The following RSF1 variants were observed in gnomAD, a reference collection of about 807,000 sequenced individuals.
RSF1 encodes the protein HBV pX-associated protein 8.
RSF1 carries 13 observed loss-of-function variants against 145.2 expected under a neutral mutation model. The ratio of observed to expected loss-of-function variants is 0.09; its 90% CI spans 0.06 to 0.14. The LOEUF (loss-of-function observed/expected upper bound fraction) is 0.14. RSF1 is among the 10% of genes least tolerant of loss of function. The probability of loss-of-function intolerance (pLI) is 1.00; values close to 1 mark genes in which losing one functional copy is unlikely to be tolerated. For synonymous variants in RSF1, 577 were observed against 592.6 expected, an observed-to-expected ratio of 0.97 and a Z score of 0.38; for missense variants, 1,517 against 1,718.2, an observed-to-expected ratio of 0.88 and a Z score of 2.07.
intron 6 of RSF1, among the ~76,000 whole-genome samples, 162 bp downstream of exon 6, chr11:77,700,554 CAAGAG>C: frequency 6.6e-6 from 1 of 151,892 alleles, no homozygotes; most frequent in Non-Finnish European, 1.5e-5. Context: ...TAAAAGATGA[CAAGAG>C]TATAGAGTAT....
chr11:77,668,069 C>T lies in RSF1; in HGVS notation c.3752-578G>A, dbSNP rs537598068. ...CTGGAGTATCATGGCGCAAACTAGGCTCACTGCAACCTCTGCCTTCCAGAT... is the reference window on the plus strand; with the variant it reads ...CTGGAGTATCATGGCGCAAACTAGGTTCACTGCAACCTCTGCCTTCCAGAT... On this transcript the variant is annotated intron_variant, in intron 15 of 15. Coordinates refer to ENST00000308488, the MANE Select transcript of RSF1 (RefSeq NM_016578.4). Among the ~76,000 whole-genome samples the T allele has an allele frequency of 7.9e-5, 12 of 152,110 alleles. No individual in the cohort carries two copies. In the East Asian group the frequency reaches 1.7e-3, roughly 22 times the overall value.
At chr11:77,711,232 T>C (rs1026196343) in intron 5 of RSF1, among the ~76,000 whole-genome samples, 3 of 152,100 alleles carry the variant, frequency 2.0e-5, no homozygotes, top group Admixed American at 1.3e-4. Flanking sequence ...TTATTTGCAT[T>C]TCCCACACTG....
In RSF1 at chr11:77,700,985, A is replaced by C. The variant is rs1281328879; in HGVS notation, c.2244T>G (p.Ser748=). The part of the protein sequence containing the change: ...RISSRKKKPD[S]PPKVLEPENK... ...TTTCTGGTTCTAGAACTTTGGGGGG[A>C]GAATCGGGCTTCTTTTTCCGACTTG... Residue 748 remains serine, a synonymous_variant, in exon 6 of 16, where the codon TCT becomes TCG. Coordinates refer to ENST00000308488, the MANE Select transcript of RSF1 (RefSeq NM_016578.4). The C allele has an allele frequency of 3.1e-6, 5 of 1,612,952 alleles. No individual in the cohort carries two copies. The highest frequency in any genetic ancestry group is 4.2e-6 in the Non-Finnish European group (5 of 1,179,884).
the RSF1 span, among the ~76,000 whole-genome samples, chr11:77,870,437 T>C: frequency 6.7e-6 from 1 of 148,310 alleles, no homozygotes; most frequent in Admixed American, 6.8e-5. Context: ...CCCGGGTTCA[T>C]GCCATTCTCC....
chr11:77,677,808 T>A (rs374824305), intron 12 of RSF1, among the ~76,000 whole-genome samples: 19 of 152,218 alleles, frequency 1.2e-4, no homozygotes, highest in Non-Finnish European at 1.9e-4. Flanking sequence ...CAGTTTTCTA[T>A]ATGGAATCAG....
In RSF1 at chr11:77,704,676, C is replaced by CTAT. The variant is rs768777367; in HGVS notation, c.734-2184_734-2182dup. On this transcript the variant is annotated intron_variant, in intron 5 of 15. Coordinates refer to ENST00000308488, the MANE Select transcript of RSF1 (RefSeq NM_016578.4). ...AAGCAGCTGGACTAAATAACCTCAA[C>CTAT]TATTATTCTTCGCTGGTGTCATATT... Among the ~76,000 whole-genome samples the CTAT allele has an allele frequency of 7.2e-5, 11 of 151,968 alleles. No individual in the cohort carries two copies. The South Asian group carries it at 2.3e-3, about 32-fold the overall frequency.
chr11:77,782,628 A>C (rs1020630381), intron 1 of RSF1, among the ~76,000 whole-genome samples: 1 of 152,196 alleles, frequency 6.6e-6, no homozygotes, highest in Non-Finnish European at 1.5e-5. Context: ...GCCTGCAACT[A>C]ACAATGTTTC....
At chr11:77,694,419 T>C (rs1429018738) in intron 7 of RSF1, among the ~76,000 whole-genome samples, 2 of 152,242 alleles carry the variant, frequency 1.3e-5, no homozygotes, top group African/African-American at 4.8e-5. Context: ...ACCGTCATCA[T>C]GTAATACAAA....
At chr11:77,774,721 G>A (rs573004586) in intron 1 of RSF1, among the ~76,000 whole-genome samples, 112 of 151,376 alleles carry the variant, frequency 7.4e-4, no homozygotes, top group African/African-American at 2.5e-3. Context: ...GAGGTCAGGA[G>A]TTCAAGACCA....
At chr11:77,745,607 ACTAT>A (rs1414303732) in intron 3 of RSF1, among the ~76,000 whole-genome samples, 1 of 151,628 alleles carries the variant, frequency 6.6e-6, no homozygotes, top group Admixed American at 6.6e-5. Context: ...TTCTTAAAGG[ACTAT>A]CTATTTTTGA....
intron 8 of RSF1, among the ~76,000 whole-genome samples, chr11:77,693,108 C>T (rs1960197819): frequency 6.6e-6 from 1 of 152,158 alleles, no homozygotes; most frequent in Admixed American, 6.5e-5. Context: ...GAAAGAGAAT[C>T]TATGTTTCTC....
At chr11:77,764,572 G>A in intron 2 of RSF1, 26 bp downstream of exon 2, 1 of 1,213,778 alleles carries the variant, frequency 8.2e-7, no homozygotes, top group Non-Finnish European at 1.2e-6. Context: ...CAGTAATAGA[G>A]CAGGAAATTT....
intron 9 of RSF1, among the ~76,000 whole-genome samples, chr11:77,690,327 A>G (rs1340316083): frequency 1.3e-5 from 2 of 152,168 alleles, no homozygotes; most frequent in Admixed American, 1.3e-4. Context: ...GATGACAAGG[A>G]TAACTGAATT....
intron 1 of RSF1, among the ~76,000 whole-genome samples, chr11:77,778,872 A>T (rs1949610874): frequency 6.6e-6 from 1 of 152,040 alleles, no homozygotes; most frequent in South Asian, 2.1e-4. Context: ...AAAGCTAGTT[A>T]TTTCCATTTT....
chr11:77,832,583 C>T, the RSF1 span, among the ~76,000 whole-genome samples: 1 of 152,006 alleles, frequency 6.6e-6, no homozygotes, highest in Admixed American at 6.6e-5. Flanking sequence ...GCCTCAGCCT[C>T]CCAAAGTACT....
rs1290940445 is a variant in RSF1 at position 77,701,422 on chromosome 11, A to G, written c.1807T>C (p.Leu603=). ...GGAACTTCTTCTGGTATTGGACTCA[A>G]TCTTTGTGCGTCCTTATCAAGAAAA... The part of the protein sequence containing the change: ...KTFLDKDAQR[L]SPIPEEVPKS... Residue 603 remains leucine (L), a synonymous_variant, in exon 6 of 16, where the codon TTG becomes CTG. Coordinates refer to ENST00000308488, the MANE Select transcript of RSF1 (RefSeq NM_016578.4). The G allele has an allele frequency of 6.2e-7, 1 of 1,613,952 alleles. No homozygotes were observed. Among genetic ancestry groups the G allele is most frequent in the African/African-American group, 1.3e-5 (1 of 74,902 alleles).
chr11:77,783,678 C>T (rs1368314650), intron 1 of RSF1, among the ~76,000 whole-genome samples: 1 of 151,628 alleles, frequency 6.6e-6, no homozygotes, highest in African/African-American at 2.4e-5. Context: ...CTAGTCTCTA[C>T]AAAAAATTAA....
chr11:77,760,103 G>A (rs1324577409), intron 2 of RSF1, among the ~76,000 whole-genome samples: 2 of 152,040 alleles, frequency 1.3e-5, no homozygotes, highest in Non-Finnish European at 2.9e-5. Context: ...GTGAAAATAC[G>A]TGTTCACAGA....
chr11:77,729,906 A>G (rs1294406164), intron 4 of RSF1, among the ~76,000 whole-genome samples: 2 of 143,162 alleles, frequency 1.4e-5, no homozygotes, highest in Non-Finnish European at 3.0e-5. Flanking sequence ...AAAAAAAAAA[A>G]AAAAAAAAAA....
Sources: gnomAD v4.1 joint callset for allele counts (sites outside exome capture counted in the v4.1 genomes callset) on GRCh38, gnomAD v4.1.1 for gene constraint, MANE v1.5 for transcripts, NCBI Gene and HGNC (gene_info 2026-07-23, HGNC 2026-07-21) for gene names.